ZNF778: variants seen among roughly 807,000 people sequenced by gnomAD.
The protein encoded by ZNF778 is zinc finger protein 778.
Under a neutral mutation model 23.9 loss-of-function variants are expected in ZNF778, and 37 were observed. That is an observed-to-expected ratio of 1.54 (90% CI 1.19 to 2.03). The LOEUF is 2.03. Among genes scored for constraint, ZNF778 ranks in the 30% most tolerant of loss-of-function variants. The probability of loss-of-function intolerance (pLI) is 0.00; values close to 1 mark genes in which losing one functional copy is unlikely to be tolerated. For synonymous variants in ZNF778, 483 were observed against 343.9 expected, an observed-to-expected ratio of 1.40 and a Z score of -4.48; for missense variants, 1,297 against 934.4, an observed-to-expected ratio of 1.39 and a Z score of -5.06.
At position 89,227,827 on chromosome 16, in the gene ZNF778, C is replaced by G. The variant is rs1159497728; in HGVS notation, c.1539C>G (p.Ala513=). Residue 513 remains alanine, a synonymous_variant, in exon 7 of 7, where the codon GCC becomes GCG. Coordinates refer to ENST00000433976, the MANE Select transcript of ZNF778 (RefSeq NM_001201407.2). ...ACGAATGTAAGCAGTGTGGCAAAGC[C>G]TTCACAGGGCGCTCAGGCCTCACTA... ...KPYECKQCGK[A]FTGRSGLTKH... The G allele has an allele frequency of 1.2e-6, 2 of 1,614,140 alleles. No individual in the cohort carries two copies.
At position 89,232,382 on chromosome 16, in the gene ZNF778, G is replaced by A. The variant is rs1047517707; in HGVS notation, c.*3820G>A. 25 of 296,976 alleles carry A rather than the reference G, an allele frequency of 8.4e-5. No individual in the cohort carries two copies. The Admixed American group carries it at 1.2e-3, about 14-fold the overall frequency. The allele number at this position is 296,976 out of a possible 1,614,324, so 18.4% of individuals were successfully genotyped here. ...GCCTGCTGAACCATGAGCCAAATAA[G>A]CCTCTTTCTAAGTTACCCACAGCCT... On this transcript the variant is annotated 3_prime_UTR_variant, in exon 7 of 7. Coordinates refer to ENST00000433976, the MANE Select transcript of ZNF778 (RefSeq NM_001201407.2).
rs746267551 is a variant in ZNF778 at position 89,228,395 on chromosome 16, T to C, written c.2107T>C (p.Cys703Arg). The change falls in exon 7 of 7, where the codon TGT (cysteine) becomes CGT (arginine). Residue 703 changes from cysteine (C) to arginine (R), a missense_variant. By Grantham distance (180) the Cys-to-Arg change is radical. Transcript: ENST00000433976. The stretch of plus-strand genomic sequence containing the variant: ...TCACACTGGGCAGAAACCCTATAAA[T>C]GTAAGGAATGTGGGAAAGCATACAA... Reference protein sequence around the residue: ...RIHTGQKPYKCKECGKAYNRF... With the variant: ...RIHTGQKPYKRKECGKAYNRF... 3.7e-6 allele frequency: 6 copies of C among 1,613,708 alleles called. No individual in the cohort carries two copies. The African/African-American group carries it at 6.7e-5, about 18-fold the overall frequency.
chr16:89,222,269 C>G, intron 3 of ZNF778, 86 bp downstream of exon 3: 2 of 1,026,942 alleles, frequency 1.9e-6, no homozygotes, highest in Non-Finnish European at 2.8e-6. Context: ...CTTGTCTGCA[C>G]AGCCTCACTC....
chr16:89,223,414 C>A (rs1388822626), intron 4 of ZNF778, 131 bp downstream of exon 4: 1 of 1,301,916 alleles, frequency 7.7e-7, no homozygotes, highest in Non-Finnish European at 1.1e-6. Context: ...TGCTAGTAGG[C>A]TTGGTGCTAG....
intron 1 of ZNF778, 54 bp downstream of exon 1, chr16:89,217,964 G>C (rs1343445872): frequency 6.6e-6 from 1 of 152,366 alleles, no homozygotes; most frequent in Non-Finnish European, 1.5e-5. Context: ...GTTTCTGTGA[G>C]AATCTGGCTT....
chr16:89,222,225 A>G (rs2031026463), intron 3 of ZNF778, 42 bp downstream of exon 3: 2 of 1,462,238 alleles, frequency 1.4e-6, no homozygotes, highest in Middle Eastern at 1.8e-4. Context: ...ACATACTGGT[A>G]TTCAGCAGAT....
At position 89,236,699 on chromosome 16, in the gene ZNF778, G is replaced by T. The variant is rs1051861239; in HGVS notation, c.*8137G>T. ...AGGGGCAACGTGGCTGGACGGCGTG[G>T]AGGTTCCGTGCTCCATTTCAGTGGC... On this transcript the variant is annotated 3_prime_UTR_variant, in exon 7 of 7. Coordinates refer to ENST00000433976, the MANE Select transcript of ZNF778 (RefSeq NM_001201407.2). The T allele has an allele frequency of 1.3e-5, 2 of 152,228 alleles. No homozygotes were observed. The highest frequency in any genetic ancestry group is 4.8e-5 in the African/African-American group (2 of 41,440). 9.4% of individuals were successfully genotyped at this position (152,228 alleles called of 1,614,324 possible).
chr16:89,233,871 A>C lies in ZNF778; in HGVS notation c.*5309A>C, dbSNP rs1216565201. 1 of 1,289,692 alleles carries C rather than the reference A, an allele frequency of 7.8e-7. No individual in the cohort carries two copies. Among genetic ancestry groups the C allele is most frequent in the African/African-American group, 1.5e-5 (1 of 65,870 alleles). 79.9% of individuals were successfully genotyped at this position (1,289,692 alleles called of 1,614,324 possible). On this transcript the variant is annotated 3_prime_UTR_variant, in exon 7 of 7. Transcript: ENST00000433976. ...ACTTCCTTTTTCTAACTACCACACCAAGCCAGTATTTCTCCTCCCTGAAGT... is the reference window on the plus strand; with the variant it reads ...ACTTCCTTTTTCTAACTACCACACCCAGCCAGTATTTCTCCTCCCTGAAGT...
Position 89,233,605 on chromosome 16 carries a change from G to A in ZNF778, c.*5043G>A, listed in dbSNP as rs1371136103. 20 of 1,128,798 alleles carry A rather than the reference G, an allele frequency of 1.8e-5. No homozygotes were observed. 69.9% of individuals were successfully genotyped at this position (1,128,798 alleles called of 1,614,324 possible). ...TATGCAACGCAACTCAACTCATACTGCATATGCAACTCAACTCACACTGTA... is the reference window on the plus strand; with the variant it reads ...TATGCAACGCAACTCAACTCATACTACATATGCAACTCAACTCACACTGTA... On this transcript the variant is annotated 3_prime_UTR_variant, in exon 7 of 7. Coordinates refer to ENST00000433976, the MANE Select transcript of ZNF778 (RefSeq NM_001201407.2).
At position 89,224,814 on chromosome 16, in the gene ZNF778, G is replaced by A. The variant is rs1441111770; in HGVS notation, c.328+12G>A. 1 of 1,499,134 alleles carries A rather than the reference G, an allele frequency of 6.7e-7. No homozygotes were observed. The allele number at this position is 1,499,134 out of a possible 1,614,324, so 92.9% of individuals were successfully genotyped here. On this transcript the variant is annotated intron_variant, in intron 5 of 6. Coordinates refer to ENST00000433976, the MANE Select transcript of ZNF778 (RefSeq NM_001201407.2). ...AGCAGTTCTCCAAGGTAAGTGTGAA[G>A]AGCACGCCTGGTCGATGTCAAGTTT...
chr16:89,234,040 T>A lies in ZNF778; in HGVS notation c.*5478T>A. 2 of 922,488 alleles carry A rather than the reference T, an allele frequency of 2.2e-6. No homozygotes were observed. The highest frequency in any genetic ancestry group is 3.1e-6 in the Non-Finnish European group (2 of 653,448). The allele number at this position is 922,488 out of a possible 1,614,324, so 57.1% of individuals were successfully genotyped here. ...CCCTGTGGCCTCTGCCTCCCCTGGC[T>A]CTGACTTCTGCCTCCTGCCCAGCTC... is the stretch of plus-strand genomic sequence containing the variant. On this transcript the variant is annotated 3_prime_UTR_variant, in exon 7 of 7. Transcript: ENST00000433976.
rs1178745947 is a variant in ZNF778 at position 89,226,987 on chromosome 16, G to T, written c.699G>T (p.Val233=). The T allele has an allele frequency of 5.0e-6, 8 of 1,613,900 alleles. No homozygotes were observed. The highest frequency in any genetic ancestry group is 1.3e-5 in the African/African-American group (1 of 74,940). Residue 233 remains valine, a synonymous_variant, in exon 7 of 7, where the codon GTG becomes GTT. Transcript: ENST00000433976. The stretch of plus-strand genomic sequence containing the variant: ...TTGACTACAGCAGCTGTGGGGAAGT[G>T]TTCCTTAATCAGTCATACCTTCAGG... ...RSLDYSSCGE[V]FLNQSYLQAR...
chr16:89,222,778 A>G (rs561520887), intron 3 of ZNF778, among the ~76,000 whole-genome samples: 77 of 152,374 alleles, frequency 5.1e-4, no homozygotes, highest in African/African-American at 1.8e-3. Flanking sequence ...TTATTTCCAC[A>G]TCACGAGTTA....
At position 89,231,475 on chromosome 16, in the gene ZNF778, C is replaced by T. The variant is rs935867042; in HGVS notation, c.*2913C>T. The T allele has an allele frequency of 3.3e-5, 5 of 152,204 alleles. No homozygotes were observed. The highest frequency in any genetic ancestry group is 1.2e-4 in the African/African-American group (5 of 41,430). 9.4% of individuals were successfully genotyped at this position (152,204 alleles called of 1,614,324 possible). On this transcript the variant is annotated 3_prime_UTR_variant, in exon 7 of 7. Coordinates refer to ENST00000433976, the MANE Select transcript of ZNF778 (RefSeq NM_001201407.2). Reference sequence around the variant, plus strand: ...CACAGACCTCAATTAAGACGACTACCCCTCCGACGACTCCCCCTCCCTTCA... The same window carrying T: ...CACAGACCTCAATTAAGACGACTACTCCTCCGACGACTCCCCCTCCCTTCA...
In ZNF778 at chr16:89,227,127, C is replaced by G; in HGVS notation, c.839C>G (p.Pro280Arg). 6.2e-7 allele frequency: 1 copy of G among 1,613,994 alleles called. No individual in the cohort carries two copies. Among genetic ancestry groups the G allele is most frequent in the Non-Finnish European group, 8.5e-7 (1 of 1,179,898 alleles). ...GTTGAAATGCATGCCGTCAGGAATC[C>G]CCACGTATGTAGGGAATGTGGGAAG... ...TPVEMHAVRN[P>R]HVCRECGKAF... The change falls in exon 7 of 7, where the codon CCC becomes CGC. Residue 280 changes from proline (P) to arginine (R), a missense_variant. Transcript: ENST00000433976.
rs1244339942 is a variant in ZNF778 at position 89,227,812 on chromosome 16, G to A, written c.1524G>A (p.Lys508=). The A allele has an allele frequency of 6.2e-7, 1 of 1,614,024 alleles. No homozygotes were observed. Among genetic ancestry groups the A allele is most frequent in the South Asian group, 1.1e-5 (1 of 91,074 alleles). Residue 508 remains lysine (K), a synonymous_variant, in exon 7 of 7, where the codon AAG becomes AAA. Coordinates refer to ENST00000433976, the MANE Select transcript of ZNF778 (RefSeq NM_001201407.2). The part of the protein sequence containing the change: ...IHTGEKPYEC[K]QCGKAFTGRS... ...CCGGAGAGAAACCCTACGAATGTAA[G>A]CAGTGTGGCAAAGCCTTCACAGGGC...
At chr16:89,224,652 G>T in intron 4 of ZNF778, 67 bp from the exon 5 acceptor site, 1 of 1,144,944 alleles carries the variant, frequency 8.7e-7, no homozygotes, top group Admixed American at 2.0e-5. Flanking sequence ...TGTAGTTCCT[G>T]TTCACGGGTA....
In ZNF778 at chr16:89,228,275, C is replaced by T; in HGVS notation, c.1987C>T (p.His663Tyr). 1 of 1,605,598 alleles carries T rather than the reference C, an allele frequency of 6.2e-7. No homozygotes were observed. The highest frequency in any genetic ancestry group is 2.2e-5 in the East Asian group (1 of 44,724). The change falls in exon 7 of 7, where the codon CAC becomes TAC. Residue 663 changes from histidine to tyrosine, a missense_variant. Physicochemically the swap from His to Tyr is moderately conservative, Grantham distance 83. Coordinates refer to ENST00000433976, the MANE Select transcript of ZNF778 (RefSeq NM_001201407.2). ...TGCTTCCTCCTCACACCTTATCGAA[C>T]ACAGAAGGACTCACACAGGAGAGAA... ...AFASSSHLIE[H>Y]RRTHTGEKPY...
intron 4 of ZNF778, 94 bp downstream of exon 4, chr16:89,223,377 C>T (rs375576134): frequency 3.9e-6 from 6 of 1,543,188 alleles, no homozygotes; most frequent in East Asian, 2.3e-5. Flanking sequence ...AGCCGAGTAC[C>T]ACGGGAAGTA....
Sources: gnomAD v4.1 joint callset for allele counts (sites outside exome capture counted in the v4.1 genomes callset) on GRCh38, gnomAD v4.1.1 for gene constraint, MANE v1.5 for transcripts, NCBI Gene and HGNC (gene_info 2026-07-23, HGNC 2026-07-21) for gene names.